CALN1: variants seen among roughly 807,000 people sequenced by gnomAD.
The protein encoded by CALN1 is calcium-binding protein 8.
In CALN1, 17 loss-of-function variants were observed where a neutral mutation model predicts 30.6. That is an observed-to-expected ratio of 0.56 (90% CI 0.38 to 0.83). The LOEUF is 0.83. Ranked by LOEUF, CALN1 falls within the 40% of genes least tolerant of loss-of-function variation. CALN1 has a pLI of 0.00. For synonymous variants in CALN1, 156 were observed against 131.4 expected, an observed-to-expected ratio of 1.19 and a Z score of -1.28; for missense variants, 291 against 354.9, an observed-to-expected ratio of 0.82 and a Z score of 1.45.
chr7:72,041,683 G>A (rs6964123), intron 4 of CALN1, among the ~76,000 whole-genome samples: 31,584 of 151,982 alleles, frequency 0.21, 4,069 homozygotes, highest in East Asian at 0.54. Context: ...CACACCTGGC[G>A]CAAATCTCAT....
intron 3 of CALN1, among the ~76,000 whole-genome samples, chr7:72,223,044 G>C (rs1022639003): frequency 2.0e-5 from 3 of 152,128 alleles, no homozygotes; most frequent in Non-Finnish European, 4.4e-5. Context: ...AAAAAGAAAA[G>C]GAGAGGGTAG....
intron 5 of CALN1, among the ~76,000 whole-genome samples, chr7:71,833,069 T>C (rs1057349712): frequency 6.6e-6 from 1 of 152,230 alleles, no homozygotes; most frequent in Non-Finnish European, 1.5e-5. Context: ...AACACCATTC[T>C]CTGACGTGTC....
At chr7:71,932,864 G>C (rs1795633163) in intron 5 of CALN1, among the ~76,000 whole-genome samples, 1 of 151,484 alleles carries the variant, frequency 6.6e-6, no homozygotes, top group African/African-American at 2.4e-5. Context: ...AGGGGGGTAT[G>C]GGAAGATTTT....
chr7:71,940,882 G>A (rs1460768150), intron 5 of CALN1, among the ~76,000 whole-genome samples: 3 of 152,164 alleles, frequency 2.0e-5, no homozygotes, highest in Non-Finnish European at 4.4e-5. Context: ...AAGGTGCTGA[G>A]ATTACAGGCG....
At chr7:71,811,117 G>A (rs562431906) in intron 5 of CALN1, among the ~76,000 whole-genome samples, 34 of 151,404 alleles carry the variant, frequency 2.2e-4, no homozygotes, top group African/African-American at 7.5e-4. Flanking sequence ...TGCTGGTTTT[G>A]AACTCCTGAC....
chr7:72,267,337 C>A (rs542732758), intron 3 of CALN1, among the ~76,000 whole-genome samples: 1 of 152,200 alleles, frequency 6.6e-6, no homozygotes, highest in Non-Finnish European at 1.5e-5. Context: ...AACCAGCCCC[C>A]CTCCTGGCAT....
chr7:72,203,176 G>C (rs571340039), intron 3 of CALN1, among the ~76,000 whole-genome samples: 219 of 152,190 alleles, frequency 1.4e-3, no homozygotes, highest in Non-Finnish European at 2.2e-3. Context: ...CCACACACCA[G>C]GGCCTGTCGG....
chr7:72,067,995 C>T (rs1435736415), intron 4 of CALN1, among the ~76,000 whole-genome samples: 1 of 152,224 alleles, frequency 6.6e-6, no homozygotes, highest in Non-Finnish European at 1.5e-5. Context: ...ATTTACAAGT[C>T]TGGCTTGGCT....
rs1277291724 is a variant in CALN1, at chr7:72,106,766, A to G, written c.245-472T>C. On this transcript the variant is annotated intron_variant, in intron 3 of 6. Coordinates refer to ENST00000395275, the MANE Select transcript of CALN1 (RefSeq NM_031468.4). ...GGAGGAAGGAAGGGAGGGAGGAAGG[A>G]AGGGAGGGAGGAAGGAAGGGAGGGA... Among the ~76,000 whole-genome samples the G allele has an allele frequency of 1.3e-4, 7 of 55,116 alleles. 1 individual carries two copies. Among genetic ancestry groups the G allele is most frequent in the African/African-American group, 2.8e-4 (4 of 14,352 alleles). The allele number at this position is 55,116 out of a possible 152,430, so 36.2% of individuals were successfully genotyped here.
chr7:71,795,880 A>G (rs1245861094), intron 6 of CALN1, among the ~76,000 whole-genome samples: 3 of 131,602 alleles, frequency 2.3e-5, no homozygotes, highest in Non-Finnish European at 3.0e-5. Flanking sequence ...GTGCAGCGGC[A>G]CCATCTCGGC....
intron 2 of CALN1, among the ~76,000 whole-genome samples, chr7:72,312,783 A>T (rs1800141127): frequency 6.6e-6 from 1 of 152,190 alleles, no homozygotes; most frequent in Admixed American, 6.5e-5. Context: ...TATTGAAAAA[A>T]ATATGGATAA....
intron 3 of CALN1, among the ~76,000 whole-genome samples, chr7:72,248,507 C>T (rs546677798): frequency 2.7e-4 from 41 of 152,250 alleles, no homozygotes; most frequent in Middle Eastern, 6.8e-3. Flanking sequence ...CTCTCTCTCT[C>T]TTTCTCCTTC....
intron 2 of CALN1, among the ~76,000 whole-genome samples, chr7:72,293,300 T>G (rs1014788948): frequency 6.6e-6 from 1 of 152,088 alleles, no homozygotes; most frequent in African/African-American, 2.4e-5. Context: ...AAGTTGAGTT[T>G]CCCAAAAGGA....
chr7:71,881,994 G>A (rs1474957147), intron 5 of CALN1, among the ~76,000 whole-genome samples: 2 of 152,048 alleles, frequency 1.3e-5, no homozygotes, highest in Admixed American at 6.6e-5. Flanking sequence ...GATCACTTGA[G>A]CCCAGGAGTT....
intron 3 of CALN1, among the ~76,000 whole-genome samples, chr7:72,277,856 G>A (rs1042685446): frequency 1.3e-5 from 2 of 152,040 alleles, no homozygotes; most frequent in East Asian, 3.9e-4. Flanking sequence ...TTCTCTACTT[G>A]AGAAAGTAAA....
At chr7:71,809,439 A>G (rs1260571813) in intron 6 of CALN1, among the ~76,000 whole-genome samples, 4 of 129,536 alleles carry the variant, frequency 3.1e-5, no homozygotes, top group Non-Finnish European at 6.2e-5. Context: ...CTTCCCAACT[A>G]TGTATACTGA....
intron 1 of CALN1, among the ~76,000 whole-genome samples, chr7:72,417,900 C>T (rs1807472234): frequency 6.6e-6 from 1 of 152,130 alleles, no homozygotes; most frequent in Non-Finnish European, 1.5e-5. Flanking sequence ...ATCTGGAGCT[C>T]CTCCCTCTGC....
intron 3 of CALN1, among the ~76,000 whole-genome samples, chr7:72,153,089 T>TC (rs1787381478): frequency 6.6e-6 from 1 of 152,162 alleles, no homozygotes; most frequent in Non-Finnish European, 1.5e-5. Context: ...TTCCTATAAA[T>TC]CAGTCACAAA....
chr7:72,458,829 T>A, the CALN1 span, among the ~76,000 whole-genome samples: 1 of 135,598 alleles, frequency 7.4e-6, no homozygotes, highest in South Asian at 2.1e-4. Context: ...ATATACAATA[T>A]AATATTTAAT....
Sources: allele counts gnomAD v4.1 joint callset (sites outside exome capture counted in the v4.1 genomes callset), GRCh38; gene constraint gnomAD v4.1.1; transcripts MANE v1.5; gene names NCBI Gene and HGNC (gene_info 2026-07-23, HGNC 2026-07-21).